The following TENM1 variants were observed in gnomAD, a reference collection of about 807,000 sequenced individuals.
TENM1 encodes the protein teneurin-1.
Under a neutral mutation model 174.8 loss-of-function variants are expected in TENM1, and 35 were observed. The ratio of observed to expected loss-of-function variants is 0.20; its 90% CI spans 0.15 to 0.27. TENM1 has a LOEUF of 0.27. TENM1 is among the 10% of genes least tolerant of loss of function. The probability of loss-of-function intolerance (pLI) is 1.00; values close to 1 mark genes in which losing one functional copy is unlikely to be tolerated. For synonymous variants in TENM1, 781 were observed against 798.7 expected (o/e 0.98, Z 0.37); for missense variants, 1,633 against 2,130.1 (o/e 0.77, Z 4.59).
At chrX:124,765,000 T>G (rs1407111099) in intron 3 of TENM1, among the ~76,000 whole-genome samples, 1 of 111,188 alleles carries the variant, frequency 9.0e-6, no homozygotes, top group Non-Finnish European at 1.9e-5. Flanking sequence ...TGTTACCCCT[T>G]TTATTAACCA....
chrX:124,987,701 T>TTG, the TENM1 span, among the ~76,000 whole-genome samples: 19,135 of 91,131 alleles, frequency 0.21, 1,768 homozygotes, highest in Non-Finnish European at 0.25. Context: ...GTTCTGCATT[T>TTG]TGTGTGTGTG....
Position 124,581,351 on chromosome X carries a change from C to CACT in TENM1, c.2078-15794_2078-15792dup, listed in dbSNP as rs2049305037. Among the ~76,000 whole-genome samples the CACT allele has an allele frequency of 3.6e-5, 4 of 111,350 alleles. No homozygotes were observed. In the South Asian group the frequency reaches 1.5e-3, roughly 42 times the overall value. On this transcript the variant is annotated intron_variant, in intron 11 of 31. Coordinates refer to ENST00000422452, the Ensembl canonical transcript of TENM1. ...AAGTGCTGGGATTACAGGCATGAGC[C>CACT]ACTGCACCCGGCCTATTTAGTTCTT...
At chrX:125,122,619 T>C in the TENM1 span, among the ~76,000 whole-genome samples, 1 of 110,916 alleles carries the variant, frequency 9.0e-6, no homozygotes, top group Non-Finnish European at 1.9e-5. Context: ...CCAGGCACAG[T>C]TCTTTATCCT....
At chrX:124,557,546 G>A (rs2048723198) in intron 14 of TENM1, among the ~76,000 whole-genome samples, 1 of 109,309 alleles carries the variant, frequency 9.1e-6, no homozygotes, top group Admixed American at 9.7e-5. Flanking sequence ...TTAGGTATAT[G>A]GTATGAATTA....
chrX:124,763,243 G>C lies in TENM1; in HGVS notation c.536-26046C>G, dbSNP rs2054462153. On this transcript the variant is annotated intron_variant, in intron 3 of 31. Coordinates refer to ENST00000422452, the Ensembl canonical transcript of TENM1. ...GGGAAGGGAAATGGCCCTAATGAAA[G>C]GGAGCAGGGTGCCTCAGTGGCTTGG... Among the ~76,000 whole-genome samples the C allele has an allele frequency of 2.7e-5, 3 of 111,263 alleles. No individual in the cohort carries two copies. In the South Asian group the frequency reaches 1.1e-3, roughly 42 times the overall value.
intron 3 of TENM1, among the ~76,000 whole-genome samples, chrX:124,861,935 G>A (rs2056918819): frequency 5.4e-5 from 6 of 111,984 alleles, no homozygotes; most frequent in Middle Eastern, 4.6e-3. Flanking sequence ...ATGTGGTTGT[G>A]TCTACATGCA....
chrX:124,636,649 T>G (rs1399064881), intron 11 of TENM1, among the ~76,000 whole-genome samples: 1 of 111,715 alleles, frequency 9.0e-6, no homozygotes, highest in Non-Finnish European at 1.9e-5. Context: ...TTGGCAGGAG[T>G]AGGGCCTGAG....
intron 22 of TENM1, 131 bp from the exon 26 acceptor site, chrX:124,453,622 G>T: frequency 1.9e-6 from 1 of 520,885 alleles, no homozygotes; most frequent in Non-Finnish European, 3.0e-6. Context: ...GCTCAGCACA[G>T]ACAGGACAGT....
At chrX:124,521,439 G>C (rs929647479) in intron 17 of TENM1, among the ~76,000 whole-genome samples, 5 of 112,142 alleles carry the variant, frequency 4.5e-5, no homozygotes, top group African/African-American at 1.6e-4. Context: ...AGCAATGGCT[G>C]GGAACAAGTT....
At chrX:125,037,142 T>C in the TENM1 span, among the ~76,000 whole-genome samples, 1 of 111,419 alleles carries the variant, frequency 9.0e-6, no homozygotes, top group South Asian at 3.7e-4. Flanking sequence ...ATCCTATAGA[T>C]AATAAGTGAA....
chrX:124,391,986 A>C, intron 28 of TENM1, 66 bp downstream of exon 31: 1 of 977,079 alleles, frequency 1.0e-6, no homozygotes, highest in South Asian at 2.3e-5. Flanking sequence ...AAGATGGACA[A>C]TTAGGGCCAT....
chrX:124,386,649 T>C (rs2147597259), intron 28 of TENM1, among the ~76,000 whole-genome samples: 1 of 111,285 alleles, frequency 9.0e-6, no homozygotes, highest in African/African-American at 3.3e-5. Context: ...TGCTAGGCTT[T>C]CTAAGCCACA....
chrX:124,914,118 A>G (rs894292505), intron 1 of TENM1, among the ~76,000 whole-genome samples: 2 of 111,950 alleles, frequency 1.8e-5, no homozygotes, highest in Non-Finnish European at 3.8e-5. Flanking sequence ...TGCTTCTAAT[A>G]TTGCTTTAGT....
chrX:125,194,779 C>G, the TENM1 span, among the ~76,000 whole-genome samples: 1 of 111,894 alleles, frequency 8.9e-6, no homozygotes, highest in East Asian at 2.8e-4. Flanking sequence ...TTGGTATTCC[C>G]CATTGCTAAT....
At chrX:124,574,200 A>G (rs1409549823) in intron 11 of TENM1, among the ~76,000 whole-genome samples, 1 of 111,922 alleles carries the variant, frequency 8.9e-6, no homozygotes, top group Non-Finnish European at 1.9e-5. Flanking sequence ...ACTCAGATAC[A>G]ACTGGAACAC....
chrX:124,419,233 T>A (rs1237675819), intron 25 of TENM1, among the ~76,000 whole-genome samples: 2 of 112,459 alleles, frequency 1.8e-5, no homozygotes, highest in African/African-American at 6.5e-5. Flanking sequence ...CTTTGGAAAA[T>A]GATCCAAAAC....
chrX:124,863,307 C>T (rs1390560633), intron 3 of TENM1, among the ~76,000 whole-genome samples: 1 of 110,209 alleles, frequency 9.1e-6, no homozygotes, highest in Non-Finnish European at 1.9e-5. Context: ...GAACACCAAG[C>T]GGGCTCTTGG....
chrX:125,050,360 G>T, the TENM1 span, among the ~76,000 whole-genome samples: 2,411 of 107,756 alleles, frequency 0.022, 81 homozygotes, highest in African/African-American at 0.076. Flanking sequence ...CCCTTCCTGT[G>T]TCCATGTGTT....
chrX:124,527,580 C>G (rs191231414), intron 16 of TENM1, among the ~76,000 whole-genome samples: 2 of 109,977 alleles, frequency 1.8e-5, no homozygotes, highest in African/African-American at 3.3e-5. Context: ...ATCACACTCT[C>G]TACTAGGTAT....
Sources: allele counts gnomAD v4.1 joint callset (sites outside exome capture counted in the v4.1 genomes callset), GRCh38; gene constraint gnomAD v4.1.1; transcripts MANE v1.5; gene names NCBI Gene and HGNC (gene_info 2026-07-23, HGNC 2026-07-21).